ADAP1: variants seen among roughly 807,000 people sequenced by gnomAD.
ADAP1 encodes arf-GAP with dual PH domain-containing protein 1.
A neutral mutation model predicts 54.9 loss-of-function variants in ADAP1; 31 were observed. The observed-to-expected ratio is 0.56, with a 90% CI of 0.42 to 0.76. The LOEUF (loss-of-function observed/expected upper bound fraction) is 0.76, where lower values mean the gene tolerates loss of function less well. Among genes scored for constraint, ADAP1 ranks in the 30% least tolerant of loss-of-function variants. The probability of loss-of-function intolerance (pLI) is 0.00; values close to 1 mark genes in which losing one functional copy is unlikely to be tolerated. For missense variants in ADAP1, 535 were observed against 512.4 expected (o/e 1.04, Z -0.42); for synonymous variants, 313 against 202.6 (o/e 1.55, Z -4.63).
At chr7:901,678 T>G (rs1844823082) in intron 6 of ADAP1, among the ~76,000 whole-genome samples, 1 of 146,208 alleles carries the variant, frequency 6.8e-6, no homozygotes, top group Non-Finnish European at 1.5e-5. Context: ...CAGCCCTGCT[T>G]TCTCCTGTGG....
At chr7:903,986 C>T (rs1029644403) in intron 6 of ADAP1, 140 bp downstream of exon 6, 36 of 1,169,208 alleles carry the variant, frequency 3.1e-5, no homozygotes, top group Non-Finnish European at 3.7e-5. Context: ...CGCTGCCCAG[C>T]CCGACTTCCC....
intron 4 of ADAP1, among the ~76,000 whole-genome samples, chr7:913,469 G>A (rs368080246): frequency 4.6e-5 from 7 of 152,044 alleles, no homozygotes; most frequent in African/African-American, 1.7e-4. Flanking sequence ...CCAAAGTGCT[G>A]GGATTACAGG....
chr7:951,574 T>TA (rs34351612), intron 1 of ADAP1, among the ~76,000 whole-genome samples: 18 of 141,532 alleles, frequency 1.3e-4, no homozygotes, highest in East Asian at 8.5e-4. Flanking sequence ...GAGACTGTCT[T>TA]AAAAAAAAAA....
rs1036426886 is a variant in ADAP1 at position 945,264 on chromosome 7, G to A, written c.82+9132C>T. On this transcript the variant is annotated intron_variant, in intron 1 of 10. Transcript: ENST00000265846. This position sits in a 1 kb window ranked among gnomAD's most constrained non-coding sequence, Gnocchi z 4.2. ...GCAAATGCCCGCAGCCCATCGGAGCGAAAAGGGGCGGGGCACGCACTCTCA... is the reference window on the plus strand; with the variant it reads ...GCAAATGCCCGCAGCCCATCGGAGCAAAAAGGGGCGGGGCACGCACTCTCA... Among the ~76,000 whole-genome samples the A allele has an allele frequency of 1.6e-4, 25 of 152,218 alleles. No individual in the cohort carries two copies. Among genetic ancestry groups the A allele is most frequent in the Non-Finnish European group, 2.2e-4 (15 of 68,038 alleles).
At chr7:903,130 C>CAGTCTGCGGAG (rs1271950726) in intron 6 of ADAP1, among the ~76,000 whole-genome samples, 2 of 152,172 alleles carry the variant, frequency 1.3e-5, no homozygotes, top group African/African-American at 4.8e-5. Flanking sequence ...CCAGAGACAA[C>CAGTCTGCGGAG]AGTCTGCGGA....
intron 4 of ADAP1, among the ~76,000 whole-genome samples, chr7:907,386 A>G (rs1583138861): frequency 6.6e-6 from 1 of 152,062 alleles, no homozygotes; most frequent in East Asian, 1.9e-4. Context: ...AGAGCCCAGG[A>G]GCACCAGGGA....
chr7:902,905 A>T (rs994654319), intron 6 of ADAP1, among the ~76,000 whole-genome samples: 10 of 152,250 alleles, frequency 6.6e-5, no homozygotes, highest in African/African-American at 2.2e-4. Flanking sequence ...CTAGAATTCT[A>T]TATCTAGCCA....
In ADAP1 at chr7:946,264, G is replaced by C. The variant is rs1055283355; in HGVS notation, c.82+8132C>G. Among the ~76,000 whole-genome samples the C allele has an allele frequency of 2.0e-5, 3 of 152,222 alleles. No individual in the cohort carries two copies. Among genetic ancestry groups the C allele is most frequent in the South Asian group, 4.1e-4 (2 of 4,822 alleles). The stretch of plus-strand genomic sequence containing the variant: ...GGATCCAGGCTCCCGCCGGCCGGTG[G>C]ATCCCCGCCAGCGAGGCAGTGACCT... On this transcript the variant is annotated intron_variant, in intron 1 of 10. Transcript: ENST00000265846. This position sits in a 1 kb window ranked among gnomAD's most constrained non-coding sequence, Gnocchi z 4.3.
chr7:922,645 A>T (rs1406576444), intron 3 of ADAP1, among the ~76,000 whole-genome samples: 12 of 151,966 alleles, frequency 7.9e-5, no homozygotes, highest in Admixed American at 7.9e-4. Context: ...CACCGCATGG[A>T]GTTCAGGACA....
chr7:915,499 G>A (rs969045955), intron 4 of ADAP1, among the ~76,000 whole-genome samples: 1 of 152,224 alleles, frequency 6.6e-6, no homozygotes, highest in African/African-American at 2.4e-5. Context: ...CAAGGCCAAG[G>A]CCTTGGGCTC....
rs549020489 is a variant in ADAP1, at chr7:948,678, C to T, written c.82+5718G>A. Among the ~76,000 whole-genome samples, 59 of 152,174 alleles carry T rather than the reference C, an allele frequency of 3.9e-4. No homozygotes were observed. The East Asian group carries it at 0.011, about 28-fold the overall frequency. Reference sequence around the variant, plus strand: ...GTACTCCTTCCTGAAAACGCGTTTACGGGGCATCCAAGATTCTATGTCCTT... The same window carrying T: ...GTACTCCTTCCTGAAAACGCGTTTATGGGGCATCCAAGATTCTATGTCCTT... On this transcript the variant is annotated intron_variant, in intron 1 of 10. Transcript: ENST00000265846.
chr7:900,896 GCCGGGCTGGA>G (rs2128633269), intron 6 of ADAP1: 1 of 583,196 alleles, frequency 1.7e-6, no homozygotes, highest in African/African-American at 1.9e-5. Flanking sequence ...GCCGGGCCGG[GCCGGGCTGGA>G]CAGGGTCGGG....
intron 1 of ADAP1, among the ~76,000 whole-genome samples, chr7:941,233 C>T (rs940759892): frequency 6.6e-6 from 1 of 152,100 alleles, no homozygotes; most frequent in Non-Finnish European, 1.5e-5. Context: ...GACTGCTTTC[C>T]CCCAAGATCA....
chr7:899,586 G>A (rs1844681626), intron 8 of ADAP1, 96 bp from the exon 9 acceptor site: 15 of 1,389,390 alleles, frequency 1.1e-5, no homozygotes, highest in African/African-American at 1.4e-5. Context: ...GCCCAGACTG[G>A]CCCGGGTCAG....
At chr7:901,712 C>A (rs939485142) in intron 6 of ADAP1, among the ~76,000 whole-genome samples, 1 of 151,310 alleles carries the variant, frequency 6.6e-6, no homozygotes, top group East Asian at 1.9e-4. Context: ...GCCACGCCCA[C>A]AAGCCACACC....
upstream of ADAP1, among the ~76,000 whole-genome samples, chr7:955,060 C>T (rs1402563004): frequency 1.3e-5 from 2 of 152,136 alleles, no homozygotes; most frequent in East Asian, 3.9e-4. Context: ...AGGACCAGGG[C>T]GCTCACACCA....
At chr7:901,822 C>G (rs914505853) in intron 6 of ADAP1, among the ~76,000 whole-genome samples, 16 of 151,560 alleles carry the variant, frequency 1.1e-4, no homozygotes, top group African/African-American at 3.6e-4. Context: ...CTCCCTCCTC[C>G]TAGAGGAAGC....
At chr7:923,689 G>T (rs1846268123) in intron 3 of ADAP1, among the ~76,000 whole-genome samples, 1 of 152,168 alleles carries the variant, frequency 6.6e-6, no homozygotes, top group Non-Finnish European at 1.5e-5. Flanking sequence ...AGGGACCCCA[G>T]TGTGTGCCGG....
At position 938,320 on chromosome 7, in the gene ADAP1, G is replaced by A. The variant is rs979440903; in HGVS notation, c.83-2815C>T. Among the ~76,000 whole-genome samples the A allele has an allele frequency of 5.9e-5, 9 of 151,880 alleles. No homozygotes were observed. Among genetic ancestry groups the A allele is most frequent in the African/African-American group, 2.2e-4 (9 of 41,436 alleles). On this transcript the variant is annotated intron_variant, in intron 1 of 10. Coordinates refer to ENST00000265846, the MANE Select transcript of ADAP1 (RefSeq NM_006869.4). This position sits in a 1 kb window ranked among gnomAD's most constrained non-coding sequence, Gnocchi z 4.4. ...CTCAGCCTTCCAAGTAGCTGGGACC[G>A]CAGGCATGCACCAGCATACCCAGCT...
Sources: allele counts gnomAD v4.1 joint callset (sites outside exome capture counted in the v4.1 genomes callset), GRCh38; gene constraint gnomAD v4.1.1; non-coding constraint Gnocchi (gnomAD v3.1); transcripts MANE v1.5; gene names NCBI Gene and HGNC (gene_info 2026-07-23, HGNC 2026-07-21).